CADM2: variants seen among roughly 807,000 people sequenced by gnomAD.
CADM2 encodes the protein immunoglobulin superfamily member 4D.
In CADM2, 12 loss-of-function variants were observed where a neutral mutation model predicts 49.8. That is an observed-to-expected ratio of 0.24 (90% CI 0.15 to 0.39). The LOEUF (loss-of-function observed/expected upper bound fraction) is 0.39, where lower values mean the gene tolerates loss of function less well. CADM2 is among the 10% of genes least tolerant of loss of function. CADM2 has a pLI of 1.00. For synonymous variants in CADM2, 214 were observed against 175.4 expected (o/e 1.22, Z -1.74); for missense variants, 378 against 492.3 (o/e 0.77, Z 2.20).
chr3:85,918,274 G>T (rs1214195256), intron 6 of CADM2, among the ~76,000 whole-genome samples: 3 of 152,116 alleles, frequency 2.0e-5, no homozygotes, highest in African/African-American at 7.2e-5. Flanking sequence ...CATTCAGTAT[G>T]ATATTGGCTG....
At chr3:85,196,855 T>C (rs1324287546) in intron 1 of CADM2, among the ~76,000 whole-genome samples, 1 of 152,022 alleles carries the variant, frequency 6.6e-6, no homozygotes, top group Non-Finnish European at 1.5e-5. Flanking sequence ...GTGACCATAA[T>C]GGTAGACAAA....
intron 6 of CADM2, among the ~76,000 whole-genome samples, chr3:85,917,973 A>G (rs193068766): frequency 1.2e-4 from 18 of 152,156 alleles, no homozygotes; most frequent in South Asian, 2.1e-4. Context: ...TCTGTCTGTT[A>G]TTGGTGTATA....
intron 1 of CADM2, among the ~76,000 whole-genome samples, chr3:85,173,579 A>G (rs1202240546): frequency 6.6e-6 from 1 of 152,188 alleles, no homozygotes; most frequent in Non-Finnish European, 1.5e-5. Flanking sequence ...GGACAATCCT[A>G]TACACGTATA....
chr3:85,745,667 A>G (rs1358064627), intron 2 of CADM2, among the ~76,000 whole-genome samples: 3 of 152,150 alleles, frequency 2.0e-5, no homozygotes, highest in Non-Finnish European at 4.4e-5. Context: ...AGAGTTCAAG[A>G]CCAGCCTATG....
chr3:85,155,158 A>T (rs2040067186), intron 1 of CADM2, among the ~76,000 whole-genome samples: 1 of 150,152 alleles, frequency 6.7e-6, no homozygotes, highest in Admixed American at 6.6e-5. Flanking sequence ...TTGGATAAAC[A>T]GTCAAGACCC....
At chr3:85,616,093 G>C (rs1368699314) in intron 1 of CADM2, among the ~76,000 whole-genome samples, 2 of 151,822 alleles carry the variant, frequency 1.3e-5, no homozygotes, top group Non-Finnish European at 2.9e-5. Flanking sequence ...CTCGAGGTAA[G>C]CTGTGATTGT....
chr3:85,436,623 G>A (rs1368975528), intron 1 of CADM2, among the ~76,000 whole-genome samples: 5 of 152,030 alleles, frequency 3.3e-5, no homozygotes, highest in African/African-American at 1.2e-4. Flanking sequence ...TTACTTTTAT[G>A]TTAAAATAAA....
chr3:85,588,248 T>C (rs1464379232), intron 1 of CADM2, among the ~76,000 whole-genome samples: 1 of 152,064 alleles, frequency 6.6e-6, no homozygotes, highest in Non-Finnish European at 1.5e-5. Flanking sequence ...CTGTTGATGG[T>C]GCATAGACAG....
At chr3:85,289,371 C>G (rs1043879100) in intron 1 of CADM2, among the ~76,000 whole-genome samples, 4 of 152,130 alleles carry the variant, frequency 2.6e-5, no homozygotes, top group African/African-American at 7.2e-5. Context: ...AAAGGGGAAA[C>G]TATTGCATGT....
At chr3:85,983,789 A>G (rs372396450) in intron 8 of CADM2, among the ~76,000 whole-genome samples, 4 of 127,266 alleles carry the variant, frequency 3.1e-5, no homozygotes, top group Non-Finnish European at 7.0e-5. Flanking sequence ...CTATCTGTCT[A>G]TCTACCTATC....
chr3:85,541,834 C>A (rs566520817), intron 1 of CADM2, among the ~76,000 whole-genome samples: 2 of 144,526 alleles, frequency 1.4e-5, no homozygotes, highest in Admixed American at 7.0e-5. Flanking sequence ...AAATAAGAGG[C>A]CCCTAAATAT....
chr3:85,674,352 T>A (rs2065831059), intron 1 of CADM2, among the ~76,000 whole-genome samples: 1 of 152,210 alleles, frequency 6.6e-6, no homozygotes, highest in African/African-American at 2.4e-5. Context: ...AAGTTGTTAT[T>A]ATTCTTTTGT....
At chr3:85,908,489 G>T (rs999779699) in intron 5 of CADM2, among the ~76,000 whole-genome samples, 5 of 151,602 alleles carry the variant, frequency 3.3e-5, no homozygotes, top group African/African-American at 1.2e-4. Context: ...ACTTTACCAA[G>T]AAATATTTAG....
chr3:86,060,230 A>AT (rs1578089893), intron 8 of CADM2, among the ~76,000 whole-genome samples: 1 of 152,060 alleles, frequency 6.6e-6, no homozygotes. Flanking sequence ...ATGTCAAAAA[A>AT]AAAAGGAAAG....
intron 8 of CADM2, among the ~76,000 whole-genome samples, chr3:85,971,193 A>G (rs1726078257): frequency 6.6e-6 from 1 of 151,590 alleles, no homozygotes; most frequent in Admixed American, 6.6e-5. Context: ...ACTTCATTGC[A>G]TTTTGAATCT....
intron 1 of CADM2, among the ~76,000 whole-genome samples, chr3:85,566,993 A>T (rs1270916353): frequency 6.6e-6 from 1 of 152,182 alleles, no homozygotes; most frequent in Non-Finnish European, 1.5e-5. Flanking sequence ...TAACCAATTA[A>T]GCTTCCCATC....
intron 1 of CADM2, among the ~76,000 whole-genome samples, chr3:85,363,736 C>G (rs2032531815): frequency 6.6e-6 from 1 of 152,126 alleles, no homozygotes; most frequent in Non-Finnish European, 1.5e-5. Flanking sequence ...CTCAGCCTCC[C>G]GAATAGCTGG....
intron 1 of CADM2, among the ~76,000 whole-genome samples, chr3:85,218,292 C>T (rs1437161751): frequency 6.6e-6 from 1 of 151,886 alleles, no homozygotes; most frequent in Non-Finnish European, 1.5e-5. Flanking sequence ...TAAAAAAATC[C>T]AAACTCCCCA....
chr3:85,521,649 A>G (rs916118375), intron 1 of CADM2, among the ~76,000 whole-genome samples: 3 of 152,168 alleles, frequency 2.0e-5, no homozygotes, highest in Admixed American at 2.0e-4. Flanking sequence ...TTTAAGACAC[A>G]ATGGGCATTT....
Sources: allele counts gnomAD v4.1 joint callset (sites outside exome capture counted in the v4.1 genomes callset), GRCh38; gene constraint gnomAD v4.1.1; transcripts MANE v1.5; gene names NCBI Gene and HGNC (gene_info 2026-07-23, HGNC 2026-07-21).